STAC: variants seen among roughly 807,000 people sequenced by gnomAD.
The protein encoded by STAC is SH3 and cysteine-rich domain-containing protein.
A neutral mutation model predicts 48.8 loss-of-function variants in STAC; 43 were observed. The ratio of observed to expected loss-of-function variants is 0.88; its 90% CI spans 0.69 to 1.14. The LOEUF (loss-of-function observed/expected upper bound fraction) is 1.14. Ranked by LOEUF, STAC falls within the 50% of genes most tolerant of loss-of-function variation. STAC has a pLI of 0.00. For missense variants in STAC, 497 were observed against 504.0 expected, an observed-to-expected ratio of 0.99 and a Z score of 0.13; for synonymous variants, 193 against 179.5, an observed-to-expected ratio of 1.07 and a Z score of -0.60.
chr3:36,510,583 T>A (rs999257715), intron 8 of STAC, among the ~76,000 whole-genome samples: 2 of 152,038 alleles, frequency 1.3e-5, no homozygotes, highest in Non-Finnish European at 2.9e-5. Flanking sequence ...ATAGATTGGA[T>A]AAAGAAAATG....
intron 1 of STAC, among the ~76,000 whole-genome samples, chr3:36,402,505 G>T (rs1700017804): frequency 6.6e-6 from 1 of 152,072 alleles, no homozygotes; most frequent in Non-Finnish European, 1.5e-5. Context: ...GAAGCTTACA[G>T]CACTTAGTTA....
chr3:36,388,351 T>G (rs1280976528), intron 1 of STAC, among the ~76,000 whole-genome samples: 1 of 152,090 alleles, frequency 6.6e-6, no homozygotes, highest in African/African-American at 2.4e-5. Flanking sequence ...TTTTTTCATT[T>G]CCTATTGGTT....
intron 1 of STAC, among the ~76,000 whole-genome samples, chr3:36,412,041 A>G (rs1206222214): frequency 6.6e-6 from 1 of 152,242 alleles, no homozygotes; most frequent in Non-Finnish European, 1.5e-5. Flanking sequence ...TAACAGACAG[A>G]AAAACCTAAC....
At chr3:36,383,000 T>C (rs902721033) in intron 1 of STAC, among the ~76,000 whole-genome samples, 3 of 152,210 alleles carry the variant, frequency 2.0e-5, no homozygotes, top group Non-Finnish European at 2.9e-5. Flanking sequence ...AGTTACTTTT[T>C]TTAAAGAGTT....
At chr3:36,527,456 T>C (rs1005176499) in intron 8 of STAC, among the ~76,000 whole-genome samples, 3 of 152,060 alleles carry the variant, frequency 2.0e-5, no homozygotes, top group African/African-American at 7.2e-5. Flanking sequence ...GAAAACTTTT[T>C]CTAAAACAAT....
At chr3:36,396,037 G>A (rs1480184829) in intron 1 of STAC, among the ~76,000 whole-genome samples, 1 of 151,978 alleles carries the variant, frequency 6.6e-6, no homozygotes, top group African/African-American at 2.4e-5. Context: ...CTCTGCGATA[G>A]AGAAAACTCT....
intron 2 of STAC, among the ~76,000 whole-genome samples, chr3:36,444,692 GC>G (rs1396579018): frequency 6.6e-6 from 1 of 152,188 alleles, no homozygotes; most frequent in Non-Finnish European, 1.5e-5. Context: ...AGGACTGCAA[GC>G]CACCTGACAA....
chr3:36,432,268 T>A (rs757699409), intron 1 of STAC, among the ~76,000 whole-genome samples: 1 of 152,170 alleles, frequency 6.6e-6, no homozygotes, highest in South Asian at 2.1e-4. Flanking sequence ...AGAAGTTAAA[T>A]AACTTTCCTA....
rs1375887816 is a variant in STAC, at chr3:36,493,148, A to G, written c.688-3A>G. The stretch of plus-strand genomic sequence containing the variant: ...TCCCATGCTCTTTCTTCTTTCCTCC[A>G]AGACTTCAGATCTTGTGGAGGTTCC... On this transcript the variant is annotated splice_polypyrimidine_tract_variant and splice_region_variant and intron_variant, in intron 5 of 10. Transcript: ENST00000273183. The G allele has an allele frequency of 6.2e-7, 1 of 1,612,746 alleles. No individual in the cohort carries two copies. The highest frequency in any genetic ancestry group is 1.1e-5 in the South Asian group (1 of 91,006).
chr3:36,427,118 C>T (rs1700584495), intron 1 of STAC, among the ~76,000 whole-genome samples: 1 of 152,182 alleles, frequency 6.6e-6, no homozygotes, highest in Non-Finnish European at 1.5e-5. Context: ...CCACCTTTCT[C>T]ACTTCCAAGT....
chr3:36,405,062 A>G (rs995372253), intron 1 of STAC, among the ~76,000 whole-genome samples: 2 of 152,188 alleles, frequency 1.3e-5, no homozygotes, highest in Admixed American at 1.3e-4. Context: ...CTTTAAAACT[A>G]TGAAATAGGA....
intron 2 of STAC, among the ~76,000 whole-genome samples, chr3:36,470,538 G>T (rs1697301817): frequency 6.6e-6 from 1 of 152,232 alleles, no homozygotes; most frequent in Non-Finnish European, 1.5e-5. Flanking sequence ...TGTGTTGGTT[G>T]GCCTCCAGCC....
At chr3:36,398,631 AG>A in intron 1 of STAC, among the ~76,000 whole-genome samples, 1 of 112,852 alleles carries the variant, frequency 8.9e-6, no homozygotes, top group Non-Finnish European at 2.0e-5. Context: ...AGAAAAAGAG[AG>A]AGAAAGAAAG....
chr3:36,498,698 A>T (rs1206163529), intron 6 of STAC, among the ~76,000 whole-genome samples: 1 of 152,138 alleles, frequency 6.6e-6, no homozygotes, highest in Non-Finnish European at 1.5e-5. Flanking sequence ...GGCTGCAGTG[A>T]GCCATGATTA....
At chr3:36,398,431 G>GA (rs1452022036) in intron 1 of STAC, among the ~76,000 whole-genome samples, 14 of 37,464 alleles carry the variant, frequency 3.7e-4, no homozygotes, top group Non-Finnish European at 7.5e-4. Flanking sequence ...AAGGAAGGAA[G>GA]GAAGGAAGGA....
Position 36,443,553 on chromosome 3 carries a change from C to A in STAC, c.301C>A (p.Leu101Met). ...GACGTCCACACCCGCCAGGGCTGGT[C>A]TGCATCCAGGTGGCAAGGCTCATGC... is the stretch of plus-strand genomic sequence containing the variant. ...SLTSTPARAG[L>M]HPGGKAHAFQ... The change falls in exon 2 of 11, where the codon CTG becomes ATG. Residue 101 changes from leucine to methionine, a missense_variant. By Grantham distance (15) the Leu-to-Met change is conservative. Coordinates refer to ENST00000273183, the MANE Select transcript of STAC (RefSeq NM_003149.3). The surrounding 1 kb of genome is among the most constrained non-coding windows in gnomAD (Gnocchi z 4.2). 6 of 1,614,216 alleles carry A rather than the reference C, an allele frequency of 3.7e-6. No individual in the cohort carries two copies. Among genetic ancestry groups the A allele is most frequent in the Non-Finnish European group, 5.1e-6 (6 of 1,180,048 alleles).
At chr3:36,448,157 A>AATTTTATTTTATTTT (rs368503712) in intron 2 of STAC, among the ~76,000 whole-genome samples, 7,270 of 147,908 alleles carry the variant, frequency 0.049, 203 homozygotes, top group Non-Finnish European at 0.061. Context: ...ATGGTCACAG[A>AATTTTATTTTATTTT]ATTTTATTTT....
In STAC at chr3:36,546,129, G is replaced by T. The variant is rs907060879; in HGVS notation, c.1111-62G>T. ...TCAGTCAGCAGGGATTCAAGCTGCA[G>T]GTTCTAACTTCGTTCTTGCTGACAG... On this transcript the variant is annotated intron_variant, in intron 10 of 10. Transcript: ENST00000273183. The T allele has an allele frequency of 4.3e-6, 6 of 1,406,866 alleles. No individual in the cohort carries two copies. The African/African-American group carries it at 5.7e-5, about 13-fold the overall frequency. The allele number at this position is 1,406,866 out of a possible 1,614,324, so 87.1% of individuals were successfully genotyped here.
At chr3:36,403,194 A>G (rs1005717820) in intron 1 of STAC, among the ~76,000 whole-genome samples, 3 of 152,238 alleles carry the variant, frequency 2.0e-5, no homozygotes, top group Non-Finnish European at 4.4e-5. Flanking sequence ...TGTCAGTTAC[A>G]ATAAGTAATT....
Sources: allele counts gnomAD v4.1 joint callset (sites outside exome capture counted in the v4.1 genomes callset), GRCh38; gene constraint gnomAD v4.1.1; non-coding constraint Gnocchi (gnomAD v3.1); transcripts MANE v1.5; gene names NCBI Gene and HGNC (gene_info 2026-07-23, HGNC 2026-07-21).